NKPD1: variants seen among roughly 807,000 people sequenced by gnomAD.
NKPD1 encodes the protein NTPase KAP family P-loop domain-containing protein 1.
In NKPD1, 37 loss-of-function variants were observed where a neutral mutation model predicts 42.2. The ratio of observed to expected loss-of-function variants is 0.88; its 90% CI spans 0.67 to 1.15. The LOEUF is 1.15. NKPD1 is among the 50% of genes most tolerant of loss of function. The pLI is 0.00. For synonymous variants in NKPD1, 552 were observed against 536.5 expected (o/e 1.03, Z -0.40); for missense variants, 1,113 against 1,174.6 (o/e 0.95, Z 0.77).
At chr19:45,159,385 T>C (rs1476105925) in intron 2 of NKPD1, among the ~76,000 whole-genome samples, 1 of 152,052 alleles carries the variant, frequency 6.6e-6, no homozygotes, top group Non-Finnish European at 1.5e-5. Flanking sequence ...GGCTGGTGCC[T>C]GCCACAGCAG....
upstream of NKPD1, among the ~76,000 whole-genome samples, chr19:45,162,767 C>T (rs1969033929): frequency 6.6e-6 from 1 of 152,192 alleles, no homozygotes; most frequent in East Asian, 1.9e-4. Context: ...CCGCCCATGC[C>T]GGAGGCCAGC....
chr19:45,160,238 A>G lies in NKPD1; in HGVS notation c.-71-17T>C. On this transcript the variant is annotated splice_polypyrimidine_tract_variant and intron_variant, in intron 1 of 4. Transcript: ENST00000686631. ...GCGTAGCCTCTGGGGCACGAACAGC[A>G]GAGAGCTGAGGTCAGGGTCCCTGCC... The G allele has an allele frequency of 1.3e-6, 1 of 763,186 alleles. No homozygotes were observed. The highest frequency in any genetic ancestry group is 1.9e-6 in the Non-Finnish European group (1 of 513,710). The allele number at this position is 763,186 out of a possible 1,614,324, so 47.3% of individuals were successfully genotyped here.
At chr19:45,154,750 C>A (rs575961742) in intron 4 of NKPD1, among the ~76,000 whole-genome samples, 1 of 152,084 alleles carries the variant, frequency 6.6e-6, no homozygotes, top group Non-Finnish European at 1.5e-5. Flanking sequence ...AGGCCAGTCG[C>A]GGTGAGTCAC....
chr19:45,159,153 C>A, intron 2 of NKPD1, 53 bp from the exon 3 acceptor site: 1 of 1,245,050 alleles, frequency 8.0e-7, no homozygotes. Flanking sequence ...CCCCCGGGGG[C>A]ACCGGCACAA....
At position 45,155,773 on chromosome 19, in the gene NKPD1, A is replaced by G; in HGVS notation, c.661+12T>C. 1.5e-6 allele frequency: 2 copies of G among 1,295,392 alleles called. No homozygotes were observed. The highest frequency in any genetic ancestry group is 2.0e-6 in the Non-Finnish European group (2 of 980,748). 80.2% of individuals were successfully genotyped at this position (1,295,392 alleles called of 1,614,324 possible). On this transcript the variant is annotated intron_variant, in intron 4 of 4. Transcript: ENST00000686631. The stretch of plus-strand genomic sequence containing the variant: ...CTCATCCTCCCCCCAACAAACACAC[A>G]CAGCTCCTCACCCGTGATCTTGTCC...
At chr19:45,155,702 G>T (rs1176768852) in intron 4 of NKPD1, 83 bp downstream of exon 4, 2 of 1,224,410 alleles carry the variant, frequency 1.6e-6, no homozygotes, top group Non-Finnish European at 2.1e-6. Context: ...GGGGTGGGGG[G>T]ATCTGGGGGA....
rs1410175307 is a variant in NKPD1 at position 45,160,132 on chromosome 19, C to CTT, written c.17_18dup (p.Val7LysfsTer146). 1 of 1,304,968 alleles carries CTT rather than the reference C, an allele frequency of 7.7e-7. No individual in the cohort carries two copies. The highest frequency in any genetic ancestry group is 1.0e-6 in the Non-Finnish European group (1 of 988,738). 80.8% of individuals were successfully genotyped at this position (1,304,968 alleles called of 1,614,324 possible). On this transcript the variant is annotated frameshift_variant, in exon 2 of 5. Transcript: ENST00000686631. LOFTEE classifies it high-confidence loss of function. The stretch of plus-strand genomic sequence containing the variant: ...CTCTGGGCATCCTTGGCGAAGTGGA[C>CTT]TTTGTAATGTTTGTGCATGGCAGCC...
At position 45,152,536 on chromosome 19, in the gene NKPD1, CGCACGGTGATGG is replaced by C. The variant is rs1376829437; in HGVS notation, c.1889_1900del (p.Pro630_Val633del). ...CTGCTGCTGCTGCTGCTGCAGCAGG[CGCACGGTGATGG>C]GCACGGTGTTGACGATGCGCCGCAT... is the stretch of plus-strand genomic sequence containing the variant. On this transcript the variant is annotated inframe_deletion, in exon 5 of 5. Coordinates refer to ENST00000686631, the MANE Select transcript of NKPD1 (RefSeq NM_198478.4). The C allele has an allele frequency of 6.3e-7, 1 of 1,579,774 alleles. No homozygotes were observed. The highest frequency in any genetic ancestry group is 8.5e-7 in the Non-Finnish European group (1 of 1,171,680).
In NKPD1 at chr19:45,152,217, C is replaced by T. The variant is rs757346619; in HGVS notation, c.2220G>A (p.Leu740=). The change falls in exon 5 of 5, where the codon CTG becomes CTA. Residue 740 remains leucine (L), a synonymous_variant. Transcript: ENST00000686631. ...AGTGGTCCAGGTTGACCGTGCAGCG[C>T]AGCAGGCTCTGCGCCTCGGCCACGG... ...PFTVAEAQSL[L]RCTVNLDHSI... is the part of the protein sequence containing the mutation. 6 of 1,602,396 alleles carry T rather than the reference C, an allele frequency of 3.7e-6. No homozygotes were observed. The highest frequency in any genetic ancestry group is 5.1e-6 in the Non-Finnish European group (6 of 1,175,658).
Position 45,160,168 on chromosome 19 carries a change from G to A in NKPD1, c.-18C>T. ...TTGTGCATGGCAGCCGGGCAGCTGG[G>A]TGCTGGGGGCCTGCTCCTGAGGCAG... On this transcript the variant is annotated 5_prime_UTR_variant, in exon 2 of 5. Coordinates refer to ENST00000686631, the MANE Select transcript of NKPD1 (RefSeq NM_198478.4). 7.7e-7 allele frequency: 1 copy of A among 1,297,412 alleles called. No homozygotes were observed. The highest frequency in any genetic ancestry group is 1.0e-6 in the Non-Finnish European group (1 of 982,468). The allele number at this position is 1,297,412 out of a possible 1,614,324, so 80.4% of individuals were successfully genotyped here.
chr19:45,152,193 G>A lies in NKPD1; in HGVS notation c.2244C>T (p.His748=), dbSNP rs760904633. 85 of 1,596,294 alleles carry A rather than the reference G, an allele frequency of 5.3e-5. No individual in the cohort carries two copies. The highest frequency in any genetic ancestry group is 1.8e-4 in the Admixed American group (10 of 56,936). Residue 748 remains histidine (H), a synonymous_variant, in exon 5 of 5, where the codon CAC becomes CAT. Transcript: ENST00000686631. ...SLLRCTVNLD[H]SIRRRMGLIR... The stretch of plus-strand genomic sequence containing the variant: ...TGAGACCCATGCGCCGGCGGATGGA[G>A]TGGTCCAGGTTGACCGTGCAGCGCA...
In NKPD1 at chr19:45,153,720, C is replaced by T; in HGVS notation, c.717G>A (p.Gln239=). 6.6e-7 allele frequency: 1 copy of T among 1,526,504 alleles called. No individual in the cohort carries two copies. Among genetic ancestry groups the T allele is most frequent in the Non-Finnish European group, 8.8e-7 (1 of 1,130,474 alleles). 94.6% of individuals were successfully genotyped at this position (1,526,504 alleles called of 1,614,324 possible). ...QRESEELQHV[Q]WRPRAVSGWG... ...AGCCGCTCACGGCACGCGGCCGCCACTGCACGTGCTGCAGCTCCTCGCTCT... is the reference window on the plus strand; with the variant it reads ...AGCCGCTCACGGCACGCGGCCGCCATTGCACGTGCTGCAGCTCCTCGCTCT... The change falls in exon 5 of 5, where the codon CAG becomes CAA. Residue 239 remains glutamine, a synonymous_variant. Transcript: ENST00000686631.
In NKPD1 at chr19:45,152,687, G is replaced by GC; in HGVS notation, c.1749dup (p.Arg584AlafsTer271). 1 of 1,541,840 alleles carries GC rather than the reference G, an allele frequency of 6.5e-7. No individual in the cohort carries two copies. Among genetic ancestry groups the GC allele is most frequent in the Non-Finnish European group, 8.7e-7 (1 of 1,149,192 alleles). ...TCGTCGTCGATGCGGCCCTGCCCGCGCTCCGTCCCCGCCTGCGCCTGCACC... is the reference window on the plus strand; with the variant it reads ...TCGTCGTCGATGCGGCCCTGCCCGCGCCTCCGTCCCCGCCTGCGCCTGCACC... On this transcript the variant is annotated frameshift_variant, in exon 5 of 5. Transcript: ENST00000686631. LOFTEE classifies it low-confidence loss of function (END_TRUNC).
At chr19:45,162,153 C>G (rs1001925191), upstream of NKPD1, among the ~76,000 whole-genome samples, 1 of 152,166 alleles carries the variant, frequency 6.6e-6, no homozygotes, top group South Asian at 2.1e-4. Context: ...GTAAATGAGC[C>G]GTCTCCGCAG....
In NKPD1 at chr19:45,152,398, G is replaced by C; in HGVS notation, c.2039C>G (p.Thr680Ser). The C allele has an allele frequency of 1.3e-6, 2 of 1,576,152 alleles. No individual in the cohort carries two copies. Among genetic ancestry groups the C allele is most frequent in the Non-Finnish European group, 1.7e-6 (2 of 1,162,688 alleles). Reference sequence around the variant, plus strand: ...CGCGCGGCCCTCGGGCGCGCCCCCGGTCTGCTGCCGGTCCTCCAGGCACTG... The same window carrying C: ...CGCGCGGCCCTCGGGCGCGCCCCCGCTCTGCTGCCGGTCCTCCAGGCACTG... ...ALQCLEDRQQTGGAPEGRARL... is the reference protein window; with the variant it reads ...ALQCLEDRQQSGGAPEGRARL... Residue 680 changes from threonine to serine, a missense_variant, in exon 5 of 5, where the codon ACC (threonine) becomes AGC (serine). By Grantham distance (58) the Thr-to-Ser change is moderately conservative. Around this residue, in one of 3 missense-constraint regions of NKPD1, gnomAD observed 867 missense variants for 870.1 expected, o/e 1.00. Coordinates refer to ENST00000686631, the MANE Select transcript of NKPD1 (RefSeq NM_198478.4).
rs1488967404 is a variant in NKPD1, at chr19:45,152,017, T to G, written c.2420A>C (p.Asp807Ala). The G allele has an allele frequency of 5.6e-6, 9 of 1,610,246 alleles. No individual in the cohort carries two copies. The highest frequency in any genetic ancestry group is 6.8e-6 in the Non-Finnish European group (8 of 1,178,684). Residue 807 changes from aspartate (D) to alanine (A), a missense_variant, in exon 5 of 5, where the codon GAC (aspartate) becomes GCC (alanine). By Grantham distance (126) the Asp-to-Ala change is moderately radical (BLOSUM62 -2). Around this residue, in one of 3 missense-constraint regions of NKPD1, gnomAD observed 867 missense variants for 870.1 expected, o/e 1.00. Coordinates refer to ENST00000686631, the MANE Select transcript of NKPD1 (RefSeq NM_198478.4). ...GQAGEGHHTGDLAHRGKLWPV... is the reference protein window; with the variant it reads ...GQAGEGHHTGALAHRGKLWPV... Reference sequence around the variant, plus strand: ...CCATAGCTTGCCCCTGTGGGCCAAGTCCCCAGTGTGGTGGCCTTCGCCGGC... The same window carrying G: ...CCATAGCTTGCCCCTGTGGGCCAAGGCCCCAGTGTGGTGGCCTTCGCCGGC...
intron 4 of NKPD1, 56 bp downstream of exon 4, chr19:45,155,729 G>A: frequency 1.6e-6 from 2 of 1,265,426 alleles, no homozygotes; most frequent in Non-Finnish European, 2.1e-6. Flanking sequence ...GAGCTGGGCG[G>A]GGACCAGAGG....
intron 3 of NKPD1, among the ~76,000 whole-genome samples, chr19:45,156,271 C>T (rs568213758): frequency 4.4e-4 from 67 of 152,304 alleles, no homozygotes; most frequent in African/African-American, 1.5e-3. Context: ...ATTTGGGATA[C>T]GAGGCCCTCA....
rs1968749120 is a variant in NKPD1, at chr19:45,149,822, C to T, written c.*2116G>A. 1 of 152,164 alleles carries T rather than the reference C, an allele frequency of 6.6e-6. No individual in the cohort carries two copies. Among genetic ancestry groups the T allele is most frequent in the Non-Finnish European group, 1.5e-5 (1 of 68,044 alleles). The allele number at this position is 152,164 out of a possible 1,614,324, so 9.4% of individuals were successfully genotyped here. A position where few individuals can be genotyped will look rare whatever the true frequency, so the allele number is the denominator to read the frequency against. ...CAGGCAGCTCTTCACCAAGTTATTC[C>T]TGGACCCAGGCCCCTTTGAAGCTCT... On this transcript the variant is annotated 3_prime_UTR_variant, in exon 5 of 5. Transcript: ENST00000686631.
Sources: gnomAD v4.1 joint callset for allele counts (sites outside exome capture counted in the v4.1 genomes callset) on GRCh38, gnomAD v4.1.1 for gene constraint, gnomAD v4.1.1 regional missense constraint, MANE v1.5 for transcripts, NCBI Gene and HGNC (gene_info 2026-07-23, HGNC 2026-07-21) for gene names.